The following KIRREL3 variants were observed in gnomAD, a reference collection of about 807,000 sequenced individuals.
The protein encoded by KIRREL3 is kirre like nephrin family adhesion molecule 3.
A neutral mutation model predicts 89.7 loss-of-function variants in KIRREL3; 36 were observed. That is an observed-to-expected ratio of 0.40 (90% CI 0.31 to 0.53). The LOEUF is 0.53. Among genes scored for constraint, KIRREL3 ranks in the 20% least tolerant of loss-of-function variants. The pLI is 0.49. For missense variants in KIRREL3, 864 were observed against 1,056.6 expected, an observed-to-expected ratio of 0.82 and a Z score of 2.53; for synonymous variants, 445 against 441.4, an observed-to-expected ratio of 1.01 and a Z score of -0.10.
chr11:126,560,686 T>C (rs1415192703), intron 2 of KIRREL3, among the ~76,000 whole-genome samples: 1 of 152,216 alleles, frequency 6.6e-6, no homozygotes, highest in Non-Finnish European at 1.5e-5. Flanking sequence ...TAGATACTGT[T>C]AAACAGAACA....
At position 126,498,102 on chromosome 11, in the gene KIRREL3, C is replaced by T. The variant is rs1001304963; in HGVS notation, c.433+23213G>A. Among the ~76,000 whole-genome samples, 2 of 152,138 alleles carry T rather than the reference C, an allele frequency of 1.3e-5. No individual in the cohort carries two copies. Among genetic ancestry groups the T allele is most frequent in the Middle Eastern group, 3.2e-3 (1 of 316 alleles). On this transcript the variant is annotated intron_variant, in intron 4 of 16. Coordinates refer to ENST00000525144, the MANE Select transcript of KIRREL3 (RefSeq NM_032531.4). The surrounding 1 kb of genome is among the most constrained non-coding windows in gnomAD (Gnocchi z 4.3). The stretch of plus-strand genomic sequence containing the variant: ...TGCCCCAAATCACACAGCCAGTAAG[C>T]CTGCTTAGTAGCTCTACTGCATCAC...
At chr11:126,435,160 A>G in intron 13 of KIRREL3, 108 bp downstream of exon 13, 1 of 1,148,204 alleles carries the variant, frequency 8.7e-7, no homozygotes, top group Non-Finnish European at 1.3e-6. Flanking sequence ...GGGCGGAGAC[A>G]CTAGCGGCCA....
In KIRREL3 at chr11:126,617,994, G is replaced by C. The variant is rs559419863; in HGVS notation, c.56-55082C>G. On this transcript the variant is annotated intron_variant, in intron 1 of 16. Coordinates refer to ENST00000525144, the MANE Select transcript of KIRREL3 (RefSeq NM_032531.4). The stretch of plus-strand genomic sequence containing the variant: ...CAATGTTGGAGGTGGGGCCTGGTGG[G>C]AGGTGATTGGATAATGTGGTTGGTG... Among the ~76,000 whole-genome samples the C allele has an allele frequency of 3.9e-5, 6 of 152,332 alleles. No individual in the cohort carries two copies. The South Asian group carries it at 6.2e-4, about 16-fold the overall frequency.
At chr11:126,925,652 T>C (rs1372960700) in intron 1 of KIRREL3, among the ~76,000 whole-genome samples, 1 of 152,190 alleles carries the variant, frequency 6.6e-6, no homozygotes, top group Non-Finnish European at 1.5e-5. Context: ...GGTCTATGAC[T>C]GCCAGCATCC....
rs1470664487 is a variant in KIRREL3, at chr11:126,686,768, T to C, written c.56-123856A>G. ...CTAATTTCTGTATTTTTAGTAGAGATGGGGCTTCGCATGTTGGCCAGGCTG... is the reference window on the plus strand; with the variant it reads ...CTAATTTCTGTATTTTTAGTAGAGACGGGGCTTCGCATGTTGGCCAGGCTG... On this transcript the variant is annotated intron_variant, in intron 1 of 16. Coordinates refer to ENST00000525144, the MANE Select transcript of KIRREL3 (RefSeq NM_032531.4). The surrounding 1 kb of genome is among the most constrained non-coding windows in gnomAD (Gnocchi z 4.7). 6.6e-6 allele frequency among the ~76,000 whole-genome samples: 1 copy of C among 152,080 alleles called. No homozygotes were observed. The highest frequency in any genetic ancestry group is 1.5e-5 in the Non-Finnish European group (1 of 68,004).
intron 1 of KIRREL3, among the ~76,000 whole-genome samples, chr11:126,711,405 A>T (rs1212559623): frequency 1.3e-5 from 2 of 152,158 alleles, no homozygotes; most frequent in Non-Finnish European, 2.9e-5. Flanking sequence ...TACTAAAAAT[A>T]CAGAAATTAG....
At position 126,782,649 on chromosome 11, in the gene KIRREL3, G is replaced by A. The variant is rs1166401700; in HGVS notation, c.55+217806C>T. ...CAGGCGTTTCACTGTTGGAGTGGGA[G>A]GTTACAGATAAGCAAAAGGAGGGGG... On this transcript the variant is annotated intron_variant, in intron 1 of 16. Transcript: ENST00000525144. The surrounding 1 kb of genome is among the most constrained non-coding windows in gnomAD (Gnocchi z 4.1). Among the ~76,000 whole-genome samples the A allele has an allele frequency of 2.6e-5, 4 of 152,188 alleles. No individual in the cohort carries two copies. Among genetic ancestry groups the A allele is most frequent in the Non-Finnish European group, 5.9e-5 (4 of 68,040 alleles).
intron 1 of KIRREL3, among the ~76,000 whole-genome samples, chr11:126,633,525 G>T (rs1321233092): frequency 6.6e-6 from 1 of 152,062 alleles, no homozygotes; most frequent in Non-Finnish European, 1.5e-5. Context: ...GTTGAAAAGA[G>T]CCTGGCACCT....
At chr11:126,944,112 G>A (rs1468916961) in intron 1 of KIRREL3, among the ~76,000 whole-genome samples, 1 of 151,986 alleles carries the variant, frequency 6.6e-6, no homozygotes, top group Admixed American at 6.5e-5. Context: ...GAATAAATGG[G>A]CCTTGCTAGG....
rs1956291498 is a variant in KIRREL3, at chr11:126,455,026, T to C, written c.848+1323A>G. ...CCCTGTGGCCCATTTCCTTCCATTCTGCCCACGGGGGCCACACTGGCTCTT... is the reference window on the plus strand; with the variant it reads ...CCCTGTGGCCCATTTCCTTCCATTCCGCCCACGGGGGCCACACTGGCTCTT... On this transcript the variant is annotated intron_variant, in intron 7 of 16. Transcript: ENST00000525144. The surrounding 1 kb of genome is among the most constrained non-coding windows in gnomAD (Gnocchi z 6.4). 6.6e-6 allele frequency among the ~76,000 whole-genome samples: 1 copy of C among 152,234 alleles called. No homozygotes were observed. Among genetic ancestry groups the C allele is most frequent in the East Asian group, 1.9e-4 (1 of 5,196 alleles).
chr11:126,838,434 G>T (rs1943850234), intron 1 of KIRREL3, among the ~76,000 whole-genome samples: 1 of 152,176 alleles, frequency 6.6e-6, no homozygotes, highest in African/African-American at 2.4e-5. Context: ...TGCCATAGTG[G>T]CACATTTGAC....
At position 126,668,693 on chromosome 11, in the gene KIRREL3, T is replaced by TTTTCTTTTTCTTTCTTTC. The variant is rs766038535; in HGVS notation, c.56-105782_56-105781insGAAAGAAAGAAAAAGAAA. On this transcript the variant is annotated intron_variant, in intron 1 of 16. Coordinates refer to ENST00000525144, the MANE Select transcript of KIRREL3 (RefSeq NM_032531.4). This position sits in a 1 kb window ranked among gnomAD's most constrained non-coding sequence, Gnocchi z 4.4. ...TAAAGAGCTGTTGGGAAGTTTCTGT[T>TTTTCTTTTTCTTTCTTTC]TTTCTTTCTTTCTTTCTTTCTTTCT... 3.4e-4 allele frequency among the ~76,000 whole-genome samples: 43 copies of TTTTCTTTTTCTTTCTTTC among 126,716 alleles called. No homozygotes were observed. The highest frequency in any genetic ancestry group is 1.2e-3 in the African/African-American group (40 of 32,564). 83.1% of individuals were successfully genotyped at this position (126,716 alleles called of 152,430 possible). A position where few individuals can be genotyped will look rare whatever the true frequency, so the allele number is the denominator to read the frequency against.
At chr11:126,824,588 C>T (rs888224069) in intron 1 of KIRREL3, among the ~76,000 whole-genome samples, 4 of 151,856 alleles carry the variant, frequency 2.6e-5, no homozygotes, top group Non-Finnish European at 5.9e-5. Context: ...GGGAAAGGGA[C>T]GATGTTAGGA....
At chr11:126,779,780 G>A (rs1592117124) in intron 1 of KIRREL3, among the ~76,000 whole-genome samples, 2 of 141,664 alleles carry the variant, frequency 1.4e-5, no homozygotes. Context: ...TTACTACCAA[G>A]CCATCATTAT....
In KIRREL3 at chr11:126,997,331, T is replaced by A. The variant is rs998406102; in HGVS notation, c.55+3124A>T. Among the ~76,000 whole-genome samples, 48 of 152,176 alleles carry A rather than the reference T, an allele frequency of 3.2e-4. No individual in the cohort carries two copies. Among genetic ancestry groups the A allele is most frequent in the African/African-American group, 1.1e-3 (46 of 41,440 alleles). ...ACATTATCCCTCTCTGAACAAAGCA[T>A]GACCGTCCTGACAGCTGAGGGAAGA... On this transcript the variant is annotated intron_variant, in intron 1 of 16. Transcript: ENST00000525144. This position sits in a 1 kb window ranked among gnomAD's most constrained non-coding sequence, Gnocchi z 4.3.
chr11:126,833,360 C>A (rs747319107), intron 1 of KIRREL3, among the ~76,000 whole-genome samples: 2 of 152,236 alleles, frequency 1.3e-5, no homozygotes, highest in African/African-American at 4.8e-5. Context: ...TCACTGGTGG[C>A]TCTGAGACCA....
At chr11:126,884,842 G>A (rs1249827914) in intron 1 of KIRREL3, among the ~76,000 whole-genome samples, 2 of 152,128 alleles carry the variant, frequency 1.3e-5, no homozygotes, top group Non-Finnish European at 2.9e-5. Context: ...AGCTGCAGTG[G>A]TGAGTAGATA....
rs1011239476 is a variant in KIRREL3, at chr11:126,677,546, C to A, written c.56-114634G>T. On this transcript the variant is annotated intron_variant, in intron 1 of 16. Coordinates refer to ENST00000525144, the MANE Select transcript of KIRREL3 (RefSeq NM_032531.4). This position sits in a 1 kb window ranked among gnomAD's most constrained non-coding sequence, Gnocchi z 5.1. The stretch of plus-strand genomic sequence containing the variant: ...CGGAGGTGAAATGACTTGTCAGAGG[C>A]CCCAGGGACAGTCAGTGGAAGCACG... 2.0e-5 allele frequency among the ~76,000 whole-genome samples: 3 copies of A among 152,156 alleles called. No homozygotes were observed. The highest frequency in any genetic ancestry group is 4.4e-5 in the Non-Finnish European group (3 of 68,036).
At position 126,462,821 on chromosome 11, in the gene KIRREL3, A is replaced by G. The variant is rs1193968089; in HGVS notation, c.742+336T>C. ...GCCTGGGGACCCTTCAAATACCAGC[A>G]TCTCCACTCAGACTTCCCCTCCAAC... On this transcript the variant is annotated intron_variant, in intron 6 of 16. Coordinates refer to ENST00000525144, the MANE Select transcript of KIRREL3 (RefSeq NM_032531.4). This position sits in a 1 kb window ranked among gnomAD's most constrained non-coding sequence, Gnocchi z 4.8. Among the ~76,000 whole-genome samples the G allele has an allele frequency of 6.6e-6, 1 of 152,184 alleles. No homozygotes were observed. Among genetic ancestry groups the G allele is most frequent in the African/African-American group, 2.4e-5 (1 of 41,448 alleles).
Sources: allele counts gnomAD v4.1 joint callset (sites outside exome capture counted in the v4.1 genomes callset), GRCh38; gene constraint gnomAD v4.1.1; non-coding constraint Gnocchi (gnomAD v3.1); transcripts MANE v1.5; gene names NCBI Gene and HGNC (gene_info 2026-07-23, HGNC 2026-07-21).